The following SUGCT variants were observed in gnomAD, a reference collection of about 807,000 sequenced individuals.
The protein encoded by SUGCT is succinyl-CoA:glutarate-CoA transferase.
In SUGCT, 41 loss-of-function variants were observed where a neutral mutation model predicts 55.0. That is an observed-to-expected ratio of 0.74 (90% CI 0.58 to 0.97). The LOEUF is 0.97. Ranked by LOEUF, SUGCT falls within the 50% of genes least tolerant of loss-of-function variation. The pLI is 0.00. For missense variants in SUGCT, 568 were observed against 547.8 expected, an observed-to-expected ratio of 1.04 and a Z score of -0.37; for synonymous variants, 187 against 200.4, an observed-to-expected ratio of 0.93 and a Z score of 0.56.
At chr7:40,348,534 C>T (rs2151192753) in intron 9 of SUGCT, among the ~76,000 whole-genome samples, 1 of 152,260 alleles carries the variant, frequency 6.6e-6, no homozygotes, top group South Asian at 2.1e-4. Context: ...AGCTGGAGTA[C>T]CTTTGAACTC....
chr7:40,383,952 G>A (rs1467413318), intron 9 of SUGCT, among the ~76,000 whole-genome samples: 1 of 152,082 alleles, frequency 6.6e-6, no homozygotes, highest in Non-Finnish European at 1.5e-5. Context: ...TGCTTGAAAG[G>A]TAGCTTGACT....
intron 12 of SUGCT, among the ~76,000 whole-genome samples, chr7:40,707,942 T>C (rs118143657): frequency 3.7e-3 from 567 of 152,346 alleles, no homozygotes; most frequent in Admixed American, 8.4e-3. Context: ...ATAGGAGCTT[T>C]GGGAGAAGAA....
the SUGCT span, among the ~76,000 whole-genome samples, chr7:40,962,893 A>G: frequency 6.6e-6 from 1 of 152,104 alleles, no homozygotes. Context: ...AAACCTGTGT[A>G]CCACTCTTTT....
intron 13 of SUGCT, among the ~76,000 whole-genome samples, chr7:40,850,126 C>T (rs1277008903): frequency 6.6e-6 from 1 of 152,170 alleles, no homozygotes; most frequent in Non-Finnish European, 1.5e-5. Flanking sequence ...CGTTCTACTT[C>T]TGGACCCCTG....
the SUGCT span, among the ~76,000 whole-genome samples, chr7:40,991,684 G>T: frequency 4.9e-4 from 75 of 152,266 alleles, no homozygotes; most frequent in African/African-American, 1.8e-3. Context: ...CTGGTGAGAA[G>T]ACCCACCTGC....
At chr7:40,562,582 T>A (rs1270049395) in intron 12 of SUGCT, among the ~76,000 whole-genome samples, 1 of 152,062 alleles carries the variant, frequency 6.6e-6, no homozygotes, top group Non-Finnish European at 1.5e-5. Flanking sequence ...CAGAAATTGA[T>A]CAGTGTGGGA....
intron 12 of SUGCT, among the ~76,000 whole-genome samples, chr7:40,678,912 G>A (rs538363283): frequency 1.1e-4 from 16 of 152,228 alleles, no homozygotes; most frequent in East Asian, 5.8e-4. Context: ...AAAGAAACCC[G>A]TGGCAAATAA....
chr7:40,437,984 G>A (rs1788266236), intron 9 of SUGCT, among the ~76,000 whole-genome samples: 1 of 151,822 alleles, frequency 6.6e-6, no homozygotes, highest in African/African-American at 2.4e-5. Flanking sequence ...AGATAACATA[G>A]GAACTTCGAG....
intron 9 of SUGCT, among the ~76,000 whole-genome samples, chr7:40,356,704 C>T (rs184125107): frequency 3.2e-4 from 49 of 152,240 alleles, no homozygotes; most frequent in African/African-American, 1.1e-3. Flanking sequence ...TAGCAGATTC[C>T]GCTTAAGTTG....
chr7:40,474,758 A>G (rs568596237), intron 11 of SUGCT, among the ~76,000 whole-genome samples: 1 of 152,334 alleles, frequency 6.6e-6, no homozygotes, highest in East Asian at 1.9e-4. Flanking sequence ...TCAGCTTTCA[A>G]TACTTGCCCT....
intron 12 of SUGCT, among the ~76,000 whole-genome samples, chr7:40,609,708 T>C (rs549240789): frequency 4.6e-5 from 7 of 152,332 alleles, no homozygotes; most frequent in Non-Finnish European, 7.3e-5. Flanking sequence ...ATATAGCTGA[T>C]ACCTGAAGAA....
intron 12 of SUGCT, among the ~76,000 whole-genome samples, chr7:40,550,823 G>A (rs763315853): frequency 7.9e-5 from 12 of 152,130 alleles, no homozygotes. Flanking sequence ...GGCTCTAGAT[G>A]TTTTTCAGAG....
At chr7:40,933,868 A>T in the SUGCT span, among the ~76,000 whole-genome samples, 1 of 152,054 alleles carries the variant, frequency 6.6e-6, no homozygotes, top group Non-Finnish European at 1.5e-5. Context: ...CTTCCTTGCG[A>T]TGGGTTAGAA....
chr7:40,534,712 C>G (rs1007968742), intron 12 of SUGCT, among the ~76,000 whole-genome samples: 1 of 152,190 alleles, frequency 6.6e-6, no homozygotes, highest in African/African-American at 2.4e-5. Flanking sequence ...AGCCACTGCG[C>G]CCGGCCTAAA....
intron 12 of SUGCT, among the ~76,000 whole-genome samples, chr7:40,643,938 T>C (rs1032094229): frequency 1.1e-4 from 17 of 152,286 alleles, no homozygotes; most frequent in Non-Finnish European, 2.2e-4. Context: ...GGGCAGGACA[T>C]GTTCTTCTTT....
At chr7:40,396,394 C>T (rs188568218) in intron 9 of SUGCT, among the ~76,000 whole-genome samples, 24 of 152,088 alleles carry the variant, frequency 1.6e-4, no homozygotes, top group Admixed American at 9.8e-4. Flanking sequence ...TAGAATAAGC[C>T]GTGCTTCTGT....
chr7:40,299,820 T>C (rs927205624), intron 8 of SUGCT, among the ~76,000 whole-genome samples: 1 of 152,148 alleles, frequency 6.6e-6, no homozygotes, highest in Non-Finnish European at 1.5e-5. Context: ...GAATCAACAA[T>C]TTTTTTATTT....
intron 8 of SUGCT, among the ~76,000 whole-genome samples, chr7:40,312,759 A>G (rs1034158495): frequency 1.3e-5 from 2 of 152,166 alleles, no homozygotes; most frequent in African/African-American, 2.4e-5. Flanking sequence ...TTTGAAGAAT[A>G]GGTGGAAATG....
In SUGCT at chr7:40,758,804, G is replaced by T. The variant is rs143963140; in HGVS notation, c.1153+9307G>T. 3.7e-4 allele frequency among the ~76,000 whole-genome samples: 56 copies of T among 152,116 alleles called. No homozygotes were observed. The East Asian group carries it at 8.7e-3, about 24-fold the overall frequency. On this transcript the variant is annotated intron_variant, in intron 13 of 13. Coordinates refer to ENST00000335693, the MANE Select transcript of SUGCT (RefSeq NM_001193313.2). ...GGACCTTGAAATGCTTCCCTAATTT[G>T]CCCTTTATCTGAACATTGTGTAAGT...
Sources: allele counts gnomAD v4.1 joint callset (sites outside exome capture counted in the v4.1 genomes callset), GRCh38; gene constraint gnomAD v4.1.1; transcripts MANE v1.5; gene names NCBI Gene and HGNC (gene_info 2026-07-23, HGNC 2026-07-21).